POSTN: variants seen among roughly 807,000 people sequenced by gnomAD.
POSTN encodes periostin.
A neutral mutation model predicts 104.5 loss-of-function variants in POSTN; 71 were observed. That is an observed-to-expected ratio of 0.68 (90% CI 0.56 to 0.83). The LOEUF is 0.83. Among genes scored for constraint, POSTN ranks in the 40% least tolerant of loss-of-function variants. The probability of loss-of-function intolerance (pLI) is 0.00; values close to 1 mark genes in which losing one functional copy is unlikely to be tolerated. For synonymous variants in POSTN, 355 were observed against 340.7 expected, an observed-to-expected ratio of 1.04 and a Z score of -0.46; for missense variants, 949 against 1,006.8, an observed-to-expected ratio of 0.94 and a Z score of 0.78.
At chr13:37,592,024 T>C (rs1005405899) in intron 3 of POSTN, 76 bp downstream of exon 3, 7 of 939,482 alleles carry the variant, frequency 7.5e-6, no homozygotes, top group East Asian at 4.9e-5. Context: ...ACATACACAA[T>C]TGGCTTCTCC....
At position 37,579,284 on chromosome 13, in the gene POSTN, G is replaced by C. The variant is rs201803624; in HGVS notation, c.1736C>G (p.Pro579Arg). Residue 579 changes from proline to arginine, a missense_variant, in exon 13 of 23, where the codon CCT becomes CGT. Pro to Arg is a moderately radical substitution (Grantham distance 103). Transcript: ENST00000379747. ...PGVFIGKGFEPGVTNILKTTQ... is the reference protein window; with the variant it reads ...PGVFIGKGFERGVTNILKTTQ... ...GGTCTTTAAAATGTTAGTAACACCA[G>C]GTTCAAATCCTTTTCCAATGAAAAC... The C allele has an allele frequency of 1.1e-5, 17 of 1,607,618 alleles. No individual in the cohort carries two copies. The East Asian group carries it at 3.8e-4, about 36-fold the overall frequency.
intron 8 of POSTN, 89 bp downstream of exon 8, chr13:37,584,627 A>G (rs1338051711): frequency 8.9e-7 from 1 of 1,121,204 alleles, no homozygotes; most frequent in Non-Finnish European, 1.3e-6. Context: ...CTGCACATTC[A>G]TTTTTCATGG....
chr13:37,586,711 A>T (rs1950756049), intron 6 of POSTN, 71 bp downstream of exon 6: 8 of 1,449,054 alleles, frequency 5.5e-6, no homozygotes, highest in Middle Eastern at 1.8e-4. Flanking sequence ...TAGCATTTTT[A>T]TTGTTTTTAG....
intron 11 of POSTN, among the ~76,000 whole-genome samples, chr13:37,580,273 A>G (rs977230364): frequency 6.6e-6 from 1 of 152,218 alleles, no homozygotes; most frequent in Non-Finnish European, 1.5e-5. Context: ...GTAATACTCT[A>G]CAAGATAGTC....
intron 22 of POSTN, 144 bp downstream of exon 22, chr13:37,564,375 T>C (rs1950028925): frequency 1.8e-6 from 1 of 555,764 alleles, no homozygotes; most frequent in Non-Finnish European, 3.2e-6. Flanking sequence ...GTTATCAAAA[T>C]TGTTTTCATC....
rs564917579 is a variant in POSTN, at chr13:37,594,797, C to T, written c.218+2387G>A. Among the ~76,000 whole-genome samples the T allele has an allele frequency of 2.0e-5, 3 of 152,208 alleles. No individual in the cohort carries two copies. The South Asian group carries it at 6.2e-4, about 32-fold the overall frequency. The stretch of plus-strand genomic sequence containing the variant: ...AAGGCAAACATTTCTGTCATCTGAT[C>T]ATAAAGTCCTGATGATATCTCTGGA... On this transcript the variant is annotated intron_variant, in intron 2 of 22. Transcript: ENST00000379747.
At chr13:37,579,496 C>T (rs944521317) in intron 12 of POSTN, 137 bp from the exon 13 acceptor site, 22 of 753,516 alleles carry the variant, frequency 2.9e-5, no homozygotes, top group Middle Eastern at 4.0e-4. Flanking sequence ...AAGTAGATAT[C>T]GATGCTATTT....
Position 37,580,401 on chromosome 13 carries a change from C to T in POSTN, c.1529+160G>A, listed in dbSNP as rs535039451. 7.2e-5 allele frequency among the ~76,000 whole-genome samples: 11 copies of T among 152,220 alleles called. No individual in the cohort carries two copies. In the East Asian group the frequency reaches 1.4e-3, roughly 19 times the overall value. ...ATAACGGTGTACCAGAAAGTAGCAG[C>T]GAAAACATATATCAATTTTGAAAAC... On this transcript the variant is annotated intron_variant, in intron 11 of 22. Coordinates refer to ENST00000379747, the MANE Select transcript of POSTN (RefSeq NM_006475.3).
intron 4 of POSTN, among the ~76,000 whole-genome samples, chr13:37,589,220 AAAC>A (rs1412613251): frequency 1.3e-5 from 2 of 152,212 alleles, no homozygotes; most frequent in African/African-American, 4.8e-5. Flanking sequence ...AAACAAGTCC[AAAC>A]AACAAGCGTA....
intron 15 of POSTN, 117 bp downstream of exon 15, chr13:37,578,727 A>G: frequency 1.2e-6 from 1 of 809,552 alleles, no homozygotes; most frequent in Non-Finnish European, 1.8e-6. Flanking sequence ...TGAACATGGG[A>G]GGCGGAGCTT....
chr13:37,570,078 G>A (rs1566543875), intron 19 of POSTN, among the ~76,000 whole-genome samples: 1 of 151,876 alleles, frequency 6.6e-6, no homozygotes, highest in East Asian at 1.9e-4. Context: ...AATACTTAAA[G>A]AATAGCTGAA....
intron 21 of POSTN, 175 bp from the exon 22 acceptor site, chr13:37,564,735 C>A (rs1950040664): frequency 4.6e-6 from 2 of 439,426 alleles, no homozygotes; most frequent in South Asian, 9.8e-5. Flanking sequence ...TCGTAAAGGA[C>A]AAGTAGACAG....
chr13:37,571,848 G>A (rs1950271033), intron 17 of POSTN, among the ~76,000 whole-genome samples: 1 of 119,328 alleles, frequency 8.4e-6, no homozygotes, highest in South Asian at 2.7e-4. Context: ...TACTGATATT[G>A]TCTATTACTT....
intron 5 of POSTN, 54 bp from the exon 6 acceptor site, chr13:37,586,982 C>A (rs938844228): frequency 2.6e-6 from 4 of 1,538,260 alleles, no homozygotes; most frequent in Admixed American, 1.8e-5. Flanking sequence ...CCATTGACCA[C>A]TGAGACTGCA....
intron 1 of POSTN, 39 bp from the exon 2 acceptor site, chr13:37,597,321 A>G: frequency 7.4e-7 from 1 of 1,345,254 alleles, no homozygotes; most frequent in Non-Finnish European, 1.0e-6. Flanking sequence ...TAATGTCCTA[A>G]TAATGACTAG....
At chr13:37,581,334 A>G in intron 10 of POSTN, among the ~76,000 whole-genome samples, 1 of 152,202 alleles carries the variant, frequency 6.6e-6, no homozygotes, top group East Asian at 1.9e-4. Flanking sequence ...TTTTAGTTGT[A>G]GCTGTACGTG....
rs1566019712 is a variant in POSTN at position 37,578,928 on chromosome 13, TA to T, written c.1895-18del. 37 of 1,594,040 alleles carry T rather than the reference TA, an allele frequency of 2.3e-5. No individual in the cohort carries two copies. The highest frequency in any genetic ancestry group is 3.1e-5 in the Non-Finnish European group (36 of 1,174,326). ...CAGGTGTGTCTATGAAGAGAAATAT[TA>T]AATGAATATTGGTAAGAAAGCATAA... On this transcript the variant is annotated intron_variant, in intron 14 of 22. Transcript: ENST00000379747.
chr13:37,584,665 T>TAAGTA, intron 8 of POSTN, 51 bp downstream of exon 8: 1 of 1,423,924 alleles, frequency 7.0e-7, no homozygotes, highest in Non-Finnish European at 9.8e-7. Context: ...GCATAATTAG[T>TAAGTA]AAATTACAGT....
chr13:37,584,858 C>T lies in POSTN; in HGVS notation c.966G>A (p.Glu322=). The change falls in exon 8 of 23, where the codon GAG becomes GAA. Residue 322 remains glutamate, a synonymous_variant. Transcript: ENST00000379747. Reference sequence around the variant, plus strand: ...TCTCAATTGTATTTCCTTCCAGCGTCTCAAAGACTGCTCCTCCCATAATAG... The same window carrying T: ...TCTCAATTGTATTTCCTTCCAGCGTTTCAAAGACTGCTCCTCCCATAATAG... ...SESIMGGAVF[E]TLEGNTIEIG... 1 of 1,613,926 alleles carries T rather than the reference C, an allele frequency of 6.2e-7. No homozygotes were observed. Among genetic ancestry groups the T allele is most frequent in the Non-Finnish European group, 8.5e-7 (1 of 1,179,944 alleles).
Sources: gnomAD v4.1 joint callset for allele counts (sites outside exome capture counted in the v4.1 genomes callset) on GRCh38, gnomAD v4.1.1 for gene constraint, MANE v1.5 for transcripts, NCBI Gene and HGNC (gene_info 2026-07-23, HGNC 2026-07-21) for gene names.